Variants in SERINC5 observed in about 807,000 individuals in gnomAD.
The protein encoded by SERINC5 is serine incorporator 5.
A neutral mutation model predicts 63.1 loss-of-function variants in SERINC5; 41 were observed. That is an observed-to-expected ratio of 0.65 (90% CI 0.51 to 0.84). SERINC5 has a LOEUF of 0.84. SERINC5 is among the 40% of genes least tolerant of loss of function. The probability of loss-of-function intolerance (pLI) is 0.00; values close to 1 mark genes in which losing one functional copy is unlikely to be tolerated. For synonymous variants in SERINC5, 222 were observed against 215.2 expected (o/e 1.03, Z -0.28); for missense variants, 523 against 573.0 (o/e 0.91, Z 0.89).
chr5:80,214,827 G>C (rs1750592664), intron 1 of SERINC5, among the ~76,000 whole-genome samples: 1 of 152,134 alleles, frequency 6.6e-6, no homozygotes, highest in Non-Finnish European at 1.5e-5. Flanking sequence ...AACCCAGGAG[G>C]CAGAGGTTGC....
chr5:80,201,818 CCT>C (rs1749854662), intron 2 of SERINC5, among the ~76,000 whole-genome samples: 1 of 152,198 alleles, frequency 6.6e-6, no homozygotes, highest in Admixed American at 6.5e-5. Context: ...CACCACTCAC[CCT>C]ACAAGTAACC....
At chr5:80,126,549 C>G (rs1424508934) in intron 11 of SERINC5, among the ~76,000 whole-genome samples, 2 of 152,198 alleles carry the variant, frequency 1.3e-5, no homozygotes, top group Non-Finnish European at 2.9e-5. Flanking sequence ...TCTTTCAAAG[C>G]TGACAGGTTG....
At position 80,154,933 on chromosome 5, in the gene SERINC5, A is replaced by G. The variant is rs548270487; in HGVS notation, c.986+3903T>C. ...AGTTTATCTTTCTCCCTCAGGGGACATTACACCAAGCCATCTGAAGAAAAA... is the reference window on the plus strand; with the variant it reads ...AGTTTATCTTTCTCCCTCAGGGGACGTTACACCAAGCCATCTGAAGAAAAA... On this transcript the variant is annotated intron_variant, in intron 8 of 11. Coordinates refer to ENST00000507668, the MANE Select transcript of SERINC5 (RefSeq NM_001174072.3). Among the ~76,000 whole-genome samples the G allele has an allele frequency of 6.6e-5, 10 of 152,298 alleles. No homozygotes were observed. In the East Asian group the frequency reaches 1.9e-3, roughly 29 times the overall value.
chr5:80,174,225 A>T (rs1314045837), intron 5 of SERINC5, among the ~76,000 whole-genome samples: 1 of 151,882 alleles, frequency 6.6e-6, no homozygotes, highest in East Asian at 1.9e-4. Flanking sequence ...AAATTAGCCA[A>T]GTGTGGTGCC....
At chr5:80,230,459 A>AAAAAGAAAG (rs70982042) in intron 1 of SERINC5, among the ~76,000 whole-genome samples, 32 of 128,628 alleles carry the variant, frequency 2.5e-4, no homozygotes, top group African/African-American at 7.8e-4. Context: ...AAAAAAAAAA[A>AAAAAGAAAG]AAAGAAACCA....
chr5:80,141,830 G>T lies in SERINC5; in HGVS notation c.*1833C>A, dbSNP rs758857885. On this transcript the variant is annotated 3_prime_UTR_variant, in exon 12 of 12. Transcript: ENST00000507668. ...AAATTTAATGGAATTTACAAAACAA[G>T]GCTCTCTAAACCACACACACAGATG... The T allele has an allele frequency of 3.1e-5, 31 of 985,212 alleles. No homozygotes were observed. Among genetic ancestry groups the T allele is most frequent in the African/African-American group, 3.5e-5 (2 of 57,224 alleles). 61.0% of individuals were successfully genotyped at this position (985,212 alleles called of 1,614,324 possible).
In SERINC5 at chr5:80,198,586, C is replaced by T. The variant is rs185499677; in HGVS notation, c.195+4300G>A. The T allele has an allele frequency of 4.3e-5, 42 of 985,430 alleles. No individual in the cohort carries two copies. In the African/African-American group the frequency reaches 5.6e-4, roughly 13 times the overall value. The allele number at this position is 985,430 out of a possible 1,614,324, so 61.0% of individuals were successfully genotyped here. A position where few individuals can be genotyped will look rare whatever the true frequency, so the allele number is the denominator to read the frequency against. On this transcript the variant is annotated intron_variant, in intron 2 of 11. Coordinates refer to ENST00000507668, the MANE Select transcript of SERINC5 (RefSeq NM_001174072.3). ...CCGTTACAAGCATGCAGTTCTTTCT[C>T]CTCTTCCAGTCACAGTCTCAGGCAC... is the stretch of plus-strand genomic sequence containing the variant.
At chr5:80,255,348 T>C (rs532425073) in intron 1 of SERINC5, 1 of 155,106 alleles carries the variant, frequency 6.4e-6, no homozygotes, top group South Asian at 1.8e-4. Context: ...AGTTTTCCCT[T>C]CGCCCAGACC....
At chr5:80,152,405 G>C (rs1746247736) in intron 8 of SERINC5, among the ~76,000 whole-genome samples, 1 of 151,430 alleles carries the variant, frequency 6.6e-6, no homozygotes, top group Admixed American at 6.6e-5. Flanking sequence ...GGAGGCTGAA[G>C]CAGGAGAATA....
chr5:80,222,569 A>ATGTGTGT (rs1750961585), intron 1 of SERINC5, among the ~76,000 whole-genome samples: 3 of 132,074 alleles, frequency 2.3e-5, no homozygotes, highest in African/African-American at 8.0e-5. Context: ...TGAGTGTGTG[A>ATGTGTGT]GTGTGTGTGT....
At chr5:80,203,860 C>T (rs1243516154) in intron 1 of SERINC5, among the ~76,000 whole-genome samples, 1 of 152,158 alleles carries the variant, frequency 6.6e-6, no homozygotes, top group Non-Finnish European at 1.5e-5. Flanking sequence ...GTGGAACCAA[C>T]CATGTGGTTT....
chr5:80,238,195 T>C (rs1751791921), intron 1 of SERINC5, among the ~76,000 whole-genome samples: 1 of 150,708 alleles, frequency 6.6e-6, no homozygotes, highest in South Asian at 2.1e-4. Context: ...AAGGAAATAA[T>C]TTACAGCTTC....
chr5:80,244,500 C>A (rs961489191), intron 1 of SERINC5, among the ~76,000 whole-genome samples: 1 of 151,806 alleles, frequency 6.6e-6, no homozygotes, highest in African/African-American at 2.4e-5. Flanking sequence ...CAGACAGGAG[C>A]CACCACACCT....
At chr5:80,152,012 A>C (rs1746219261) in intron 8 of SERINC5, among the ~76,000 whole-genome samples, 1 of 152,242 alleles carries the variant, frequency 6.6e-6, no homozygotes, top group Admixed American at 6.5e-5. Flanking sequence ...ACAGAAGCCC[A>C]CTGAGATCCA....
chr5:80,214,563 A>AC (rs1750579422), intron 1 of SERINC5, among the ~76,000 whole-genome samples: 1 of 144,174 alleles, frequency 6.9e-6, no homozygotes, highest in Non-Finnish European at 1.5e-5. Flanking sequence ...AAAAAAACAA[A>AC]AAAAAAACGA....
At chr5:80,246,024 A>C (rs1752155560) in intron 1 of SERINC5, among the ~76,000 whole-genome samples, 1 of 151,818 alleles carries the variant, frequency 6.6e-6, no homozygotes, top group Admixed American at 6.6e-5. Context: ...ACAAAGTCCT[A>C]GAGTCCTTAG....
intron 11 of SERINC5, among the ~76,000 whole-genome samples, chr5:80,132,846 G>A (rs1745001917): frequency 6.6e-6 from 1 of 152,092 alleles, no homozygotes; most frequent in African/African-American, 2.4e-5. Context: ...AAATACTACT[G>A]GAATGAAAAC....
intron 1 of SERINC5, among the ~76,000 whole-genome samples, chr5:80,204,083 G>A (rs1384054661): frequency 5.3e-5 from 8 of 152,166 alleles, no homozygotes; most frequent in Admixed American, 3.3e-4. Flanking sequence ...TCTGGCGCTC[G>A]GGACCCTTCC....
In SERINC5 at chr5:80,139,498, G is replaced by A. The variant is rs142220144; in HGVS notation, c.*4165C>T. ...TTCCCCATTTGTTTCTTTCTGAAAGGATTTTGCTTAAGGAAAAAAAAAGCT... is the reference window on the plus strand; with the variant it reads ...TTCCCCATTTGTTTCTTTCTGAAAGAATTTTGCTTAAGGAAAAAAAAAGCT... On this transcript the variant is annotated 3_prime_UTR_variant, in exon 12 of 12. Transcript: ENST00000507668. The A allele has an allele frequency of 1.0e-6, 1 of 984,788 alleles. No homozygotes were observed. The highest frequency in any genetic ancestry group is 1.8e-5 in the African/African-American group (1 of 56,956). The allele number at this position is 984,788 out of a possible 1,614,324, so 61.0% of individuals were successfully genotyped here.
Sources: gnomAD v4.1 joint callset for allele counts (sites outside exome capture counted in the v4.1 genomes callset) on GRCh38, gnomAD v4.1.1 for gene constraint, MANE v1.5 for transcripts, NCBI Gene and HGNC (gene_info 2026-07-23, HGNC 2026-07-21) for gene names.